PRKG1: variants seen among roughly 807,000 people sequenced by gnomAD.
PRKG1 encodes protein kinase cGMP-dependent 1, also known as cGMP-dependent protein kinase 1.
A neutral mutation model predicts 88.1 loss-of-function variants in PRKG1; 35 were observed. The ratio of observed to expected loss-of-function variants is 0.40; its 90% confidence interval spans 0.30 to 0.53. The LOEUF (loss-of-function observed/expected upper bound fraction) is 0.53. Ranked by LOEUF, PRKG1 falls within the 20% of genes least tolerant of loss-of-function variation. PRKG1 has a pLI of 0.59. For missense variants in PRKG1, 540 were observed against 839.8 expected, an observed-to-expected ratio of 0.64 and a Z score of 4.41; for synonymous variants, 303 against 292.5, an observed-to-expected ratio of 1.04 and a Z score of -0.37.
chr10:51,998,555 A>G (rs1268103903), intron 5 of PRKG1, among the ~76,000 whole-genome samples: 1 of 152,144 alleles, frequency 6.6e-6, no homozygotes, highest in Admixed American at 6.5e-5. Flanking sequence ...CTGTTTTTTC[A>G]GGGTATCTGT....
chr10:51,205,142 T>C (rs1460946877), intron 2 of PRKG1, among the ~76,000 whole-genome samples: 10 of 112,978 alleles, frequency 8.9e-5, no homozygotes, highest in East Asian at 7.1e-4. Flanking sequence ...TTTTTTTTTT[T>C]TTTTTTTTTT....
At chr10:51,920,340 T>C (rs116254325) in intron 5 of PRKG1, among the ~76,000 whole-genome samples, 1,541 of 152,276 alleles carry the variant, frequency 0.01, 25 homozygotes, top group African/African-American at 0.035. Context: ...GATTTTCCAG[T>C]ATAAGGCCCC....
At chr10:51,868,501 T>C (rs951146551) in intron 4 of PRKG1, among the ~76,000 whole-genome samples, 3 of 151,936 alleles carry the variant, frequency 2.0e-5, no homozygotes, top group Non-Finnish European at 2.9e-5. Flanking sequence ...ATTTATCCAA[T>C]TTTTTTTCAT....
At chr10:51,956,456 G>A (rs910305193) in intron 5 of PRKG1, among the ~76,000 whole-genome samples, 1 of 151,962 alleles carries the variant, frequency 6.6e-6, no homozygotes, top group African/African-American at 2.4e-5. Context: ...GAAGCAAAGT[G>A]AGAATCTGCC....
At chr10:51,217,496 C>T (rs1564642375) in intron 2 of PRKG1, among the ~76,000 whole-genome samples, 4 of 152,030 alleles carry the variant, frequency 2.6e-5, no homozygotes, top group Non-Finnish European at 5.9e-5. Flanking sequence ...TGAAAAAGAA[C>T]ATTGTGAGGG....
intron 3 of PRKG1, among the ~76,000 whole-genome samples, chr10:51,779,120 G>T (rs1258121618): frequency 6.6e-6 from 1 of 152,060 alleles, no homozygotes; most frequent in Non-Finnish European, 1.5e-5. Flanking sequence ...TTCCATAAAA[G>T]AACCACCCAT....
Position 52,171,688 on chromosome 10 carries a change from C to G in PRKG1, c.1076+9725C>G, listed in dbSNP as rs183975012. 6.1e-5 allele frequency among the ~76,000 whole-genome samples: 9 copies of G among 146,420 alleles called. No homozygotes were observed. The East Asian group carries it at 1.5e-3, about 24-fold the overall frequency. ...AGAATATCAAAATCCAATGCTCTTTCAAGTGCAGTGAGACTGATTCAGTTG... is the reference window on the plus strand; with the variant it reads ...AGAATATCAAAATCCAATGCTCTTTGAAGTGCAGTGAGACTGATTCAGTTG... On this transcript the variant is annotated intron_variant, in intron 9 of 17. Transcript: ENST00000373980.
At chr10:51,782,538 A>G (rs991800442) in intron 3 of PRKG1, among the ~76,000 whole-genome samples, 1 of 152,102 alleles carries the variant, frequency 6.6e-6, no homozygotes, top group African/African-American at 2.4e-5. Flanking sequence ...TAAGTGACAG[A>G]GCTTGGACGT....
At chr10:51,611,095 A>T (rs1211574132) in intron 3 of PRKG1, among the ~76,000 whole-genome samples, 5 of 151,862 alleles carry the variant, frequency 3.3e-5, no homozygotes, top group African/African-American at 4.8e-5. Context: ...ATAGACGTTT[A>T]TGTGTGCCTT....
chr10:51,231,328 A>T (rs1381125988), intron 2 of PRKG1, among the ~76,000 whole-genome samples: 1 of 152,190 alleles, frequency 6.6e-6, no homozygotes, highest in Non-Finnish European at 1.5e-5. Context: ...GCACATTAAA[A>T]TAGACCCAGT....
intron 2 of PRKG1, among the ~76,000 whole-genome samples, chr10:51,257,087 G>C (rs1839581100): frequency 6.6e-6 from 1 of 151,528 alleles, no homozygotes; most frequent in South Asian, 2.1e-4. Flanking sequence ...GGCTCAGATA[G>C]CTTAAAGCAA....
At chr10:52,045,430 A>T (rs1845839845) in intron 5 of PRKG1, among the ~76,000 whole-genome samples, 1 of 152,128 alleles carries the variant, frequency 6.6e-6, no homozygotes, top group Non-Finnish European at 1.5e-5. Context: ...ACAACACCAG[A>T]AAGAGCAAGG....
At chr10:51,891,751 G>A (rs1841727423) in intron 4 of PRKG1, among the ~76,000 whole-genome samples, 1 of 152,120 alleles carries the variant, frequency 6.6e-6, no homozygotes, top group Non-Finnish European at 1.5e-5. Flanking sequence ...TACCCTAAAA[G>A]CAGACATAGA....
Position 51,462,097 on chromosome 10 carries a change from T to C in PRKG1, c.479-5626T>C, listed in dbSNP as rs115706375. Among the ~76,000 whole-genome samples the C allele has an allele frequency of 1.4e-3, 216 of 152,282 alleles. 1 individual carries two copies. Among genetic ancestry groups the C allele is most frequent in the African/African-American group, 5.0e-3 (207 of 41,558 alleles). On this transcript the variant is annotated intron_variant, in intron 2 of 17. Coordinates refer to ENST00000373980, the MANE Select transcript of PRKG1 (RefSeq NM_006258.4). ...GTAGAAGCCATTATGAAAGAATATG[T>C]AATGTAAAAGCCACAAACTCCAACC...
chr10:51,617,121 A>C (rs1217761896), intron 3 of PRKG1, among the ~76,000 whole-genome samples: 23 of 152,084 alleles, frequency 1.5e-4, no homozygotes, highest in Admixed American at 1.5e-3. Context: ...CATGAGGCTC[A>C]AGGGGCTCTC....
chr10:51,671,592 T>TC lies in PRKG1; in HGVS notation c.593-132993_593-132992insC, dbSNP rs1564600015. Among the ~76,000 whole-genome samples, 194 of 144,380 alleles carry TC rather than the reference T, an allele frequency of 1.3e-3. 2 individuals are homozygous for TC. Among genetic ancestry groups the TC allele is most frequent in the African/African-American group, 4.9e-3 (190 of 38,580 alleles). The allele number at this position is 144,380 out of a possible 152,430, so 94.7% of individuals were successfully genotyped here. Reference sequence around the variant, plus strand: ...TCTTCTTCTCTCTCTCTCTCTCTCTTTTTTTTTTTTTTGAGATGGAGTCTC... The same window carrying TC: ...TCTTCTTCTCTCTCTCTCTCTCTCTTCTTTTTTTTTTTTGAGATGGAGTCTC... On this transcript the variant is annotated intron_variant, in intron 3 of 17. Coordinates refer to ENST00000373980, the MANE Select transcript of PRKG1 (RefSeq NM_006258.4).
At chr10:51,615,717 G>GT (rs1203625578) in intron 3 of PRKG1, among the ~76,000 whole-genome samples, 1 of 145,988 alleles carries the variant, frequency 6.8e-6, no homozygotes, top group African/African-American at 2.5e-5. Context: ...ATCCTAAATT[G>GT]TTTTTCTCTG....
intron 5 of PRKG1, among the ~76,000 whole-genome samples, chr10:52,039,510 T>C (rs1845703324): frequency 6.6e-6 from 1 of 152,148 alleles, no homozygotes; most frequent in Non-Finnish European, 1.5e-5. Flanking sequence ...TGGGCGTACA[T>C]GTGCAAATCA....
intron 4 of PRKG1, among the ~76,000 whole-genome samples, chr10:51,890,624 T>C (rs980694920): frequency 1.3e-5 from 2 of 152,198 alleles, no homozygotes; most frequent in African/African-American, 4.8e-5. Context: ...GTTTCACATT[T>C]GAAAGATTAA....
Sources: allele counts gnomAD v4.1 joint callset (sites outside exome capture counted in the v4.1 genomes callset), GRCh38; gene constraint gnomAD v4.1.1; transcripts MANE v1.5; gene names NCBI Gene and HGNC (gene_info 2026-07-23, HGNC 2026-07-21).